PASK: variants seen among roughly 807,000 people sequenced by gnomAD.
The protein encoded by PASK is PAS domain-containing serine/threonine-protein kinase.
A neutral mutation model predicts 121.0 loss-of-function variants in PASK; 110 were observed. That is an observed-to-expected ratio of 0.91 (90% CI 0.78 to 1.06). PASK has a LOEUF of 1.06. PASK is among the 50% of genes least tolerant of loss of function. The probability of loss-of-function intolerance (pLI) is 0.00; values close to 1 mark genes in which losing one functional copy is unlikely to be tolerated. For synonymous variants in PASK, 686 were observed against 717.8 expected (o/e 0.96, Z 0.71); for missense variants, 1,643 against 1,702.3 (o/e 0.97, Z 0.61).
In PASK at chr2:241,141,938, C is replaced by T. The variant is rs1575340391; in HGVS notation, c.196+899G>A. On this transcript the variant is annotated intron_variant, in intron 2 of 17. Transcript: ENST00000234040. ...CTCATGTCTCAAGGCCCTGTACCTC[C>T]GGCTCCCACCCCTGCTCCTCATGCA... 2.6e-5 allele frequency among the ~76,000 whole-genome samples: 4 copies of T among 152,196 alleles called. No individual in the cohort carries two copies. The East Asian group carries it at 7.7e-4, about 29-fold the overall frequency.
intron 15 of PASK, among the ~76,000 whole-genome samples, chr2:241,111,647 C>T (rs559449394): frequency 3.4e-4 from 51 of 152,150 alleles, no homozygotes; most frequent in African/African-American, 1.1e-3. Flanking sequence ...GGCCGGCCCC[C>T]GACTCACAGG....
chr2:241,135,317 C>A (rs1207079980), intron 8 of PASK, among the ~76,000 whole-genome samples: 1 of 152,070 alleles, frequency 6.6e-6, no homozygotes, highest in Non-Finnish European at 1.5e-5. Flanking sequence ...GTTCCAGGAC[C>A]CCCAGAATGC....
At position 241,126,922 on chromosome 2, in the gene PASK, G is replaced by C. The variant is rs368254000; in HGVS notation, c.1993C>G (p.Gln665Glu). The C allele has an allele frequency of 3.7e-6, 6 of 1,614,120 alleles. No homozygotes were observed. The highest frequency in any genetic ancestry group is 2.2e-5 in the East Asian group (1 of 44,866). Residue 665 changes from glutamine to glutamate, a missense_variant, in exon 10 of 18, where the codon CAG becomes GAG. By Grantham distance (29) the Gln-to-Glu change is conservative (BLOSUM62 2). Transcript: ENST00000234040. ...EELQTCLIKEQLSQLSLAGAL... is the reference protein window; with the variant it reads ...EELQTCLIKEELSQLSLAGAL... ...CCTGCAAGGCTCAACTGGGACAGCTGCTCCTTAATCAAGCAGGTCTGCAGC... is the reference window on the plus strand; with the variant it reads ...CCTGCAAGGCTCAACTGGGACAGCTCCTCCTTAATCAAGCAGGTCTGCAGC...
At position 241,108,115 on chromosome 2, in the gene PASK, G is replaced by T. The variant is rs34777851; in HGVS notation, c.3667+52C>A. The T allele has an allele frequency of 0.067, 107,572 of 1,593,878 alleles. 4,193 individuals are homozygous for T. The highest frequency in any genetic ancestry group is 0.14 in the African/African-American group (10,571 of 74,608). On this transcript the variant is annotated intron_variant, in intron 16 of 17. Transcript: ENST00000234040. This position sits in a 1 kb window ranked among gnomAD's most constrained non-coding sequence, Gnocchi z 5.2. Reference sequence around the variant, plus strand: ...AATGAGGAAATGGGAAAAAAAAGTGGCTGGTCTCTAAGGACAGTGTCGACT... The same window carrying T: ...AATGAGGAAATGGGAAAAAAAAGTGTCTGGTCTCTAAGGACAGTGTCGACT...
At chr2:241,129,624 G>A (rs977862350) in intron 9 of PASK, among the ~76,000 whole-genome samples, 1 of 152,202 alleles carries the variant, frequency 6.6e-6, no homozygotes, top group Non-Finnish European at 1.5e-5. Context: ...TCATAATTTT[G>A]GCTAAGAGAT....
At position 241,140,703 on chromosome 2, in the gene PASK, A is replaced by T. The variant is rs1367813833; in HGVS notation, c.247T>A (p.Cys83Ser). ...CLSSLAAQNI[C>S]TSKLHCPAAP... The stretch of plus-strand genomic sequence containing the variant: ...GCAGGGCAGTGCAGTTTACTTGTAC[A>T]AATATTCTGGGCAGCCAGTGATGAT... Residue 83 changes from cysteine to serine, a missense_variant, in exon 3 of 18, where the codon TGT becomes AGT. Cys to Ser is a moderately radical substitution (Grantham distance 112). This residue lies in a region of PASK where 1,176 missense variants were observed against 1,162.2 expected (regional missense o/e 1.01). Coordinates refer to ENST00000234040, the MANE Select transcript of PASK (RefSeq NM_015148.4). The T allele has an allele frequency of 1.2e-6, 2 of 1,614,140 alleles. No homozygotes were observed. Among genetic ancestry groups the T allele is most frequent in the East Asian group, 2.2e-5 (1 of 44,878 alleles).
chr2:241,110,581 G>A (rs969668028), intron 15 of PASK, among the ~76,000 whole-genome samples: 2 of 152,082 alleles, frequency 1.3e-5, no homozygotes, highest in Non-Finnish European at 2.9e-5. Context: ...GAGAGGGTGG[G>A]AGCCACAGCT....
chr2:241,120,246 A>G (rs2065546056), intron 12 of PASK, among the ~76,000 whole-genome samples: 1 of 152,170 alleles, frequency 6.6e-6, no homozygotes, highest in Non-Finnish European at 1.5e-5. Context: ...TAATCCTAGC[A>G]CTTTGGGAGG....
chr2:241,142,298 C>T (rs2066736759), intron 2 of PASK, among the ~76,000 whole-genome samples: 1 of 152,198 alleles, frequency 6.6e-6, no homozygotes, highest in African/African-American at 2.4e-5. Context: ...CTGCTGTCTC[C>T]CCAAGTGCCT....
At chr2:241,145,505 G>A (rs2066910898) in intron 1 of PASK, among the ~76,000 whole-genome samples, 1 of 152,058 alleles carries the variant, frequency 6.6e-6, no homozygotes, top group African/African-American at 2.4e-5. Context: ...GGAGAAAAGA[G>A]GCTATCTGTA....
At chr2:241,114,880 G>T in intron 14 of PASK, 163 bp downstream of exon 14, 2 of 1,523,540 alleles carry the variant, frequency 1.3e-6, no homozygotes, top group African/African-American at 1.4e-5. Context: ...TTCAATCATA[G>T]AATTTTCTTC....
At chr2:241,147,875 G>T (rs543833739) in intron 1 of PASK, among the ~76,000 whole-genome samples, 1 of 152,258 alleles carries the variant, frequency 6.6e-6, no homozygotes, top group East Asian at 1.9e-4. Flanking sequence ...TGCGGGAGCG[G>T]GGAGGACAGC....
chr2:241,132,548 A>G (rs1412784638), intron 9 of PASK, among the ~76,000 whole-genome samples: 2 of 150,150 alleles, frequency 1.3e-5, no homozygotes, highest in African/African-American at 2.4e-5. Context: ...AAAAAAAAAA[A>G]AAAAAAGAAA....
intron 1 of PASK, among the ~76,000 whole-genome samples, chr2:241,144,536 C>T (rs2066862566): frequency 6.6e-6 from 1 of 152,198 alleles, no homozygotes; most frequent in African/African-American, 2.4e-5. Context: ...ATCCAGAACC[C>T]CAGAGTTCCC....
chr2:241,122,061 T>C (rs772896454), intron 12 of PASK, among the ~76,000 whole-genome samples: 1 of 152,122 alleles, frequency 6.6e-6, no homozygotes, highest in African/African-American at 2.4e-5. Context: ...TATTTGTAAA[T>C]GAATGAATGT....
intron 1 of PASK, among the ~76,000 whole-genome samples, chr2:241,144,747 GC>G (rs757692908): frequency 6.6e-6 from 1 of 152,114 alleles, no homozygotes; most frequent in Non-Finnish European, 1.5e-5. Context: ...AGGGGAGGTG[GC>G]CCTCCCAACA....
Position 241,127,276 on chromosome 2 carries a change from C to A in PASK, c.1639G>T (p.Glu547Ter). The A allele has an allele frequency of 6.2e-7, 1 of 1,614,258 alleles. No homozygotes were observed. The highest frequency in any genetic ancestry group is 8.5e-7 in the Non-Finnish European group (1 of 1,180,038). The change falls in exon 10 of 18, where the codon GAA becomes TAA. Residue 547 changes from glutamate (E) to a stop codon, truncating the protein, a stop_gained. Coordinates refer to ENST00000234040, the MANE Select transcript of PASK (RefSeq NM_015148.4). LOFTEE classifies it high-confidence loss of function. ...PVDVKPFASC[E>*]DSEAPVPAED... is the part of the protein sequence containing the mutation. ...GCTGGGACTGGAGCTTCAGAATCTT[C>A]GCAGGAAGCAAATGGCTTCACATCC...
intron 14 of PASK, chr2:241,113,821 T>C: frequency 1.0e-6 from 1 of 985,466 alleles, no homozygotes; most frequent in Non-Finnish European, 1.2e-6. Flanking sequence ...CCGACCCCGC[T>C]GCTGAGCAGG....
At position 241,149,446 on chromosome 2, in the gene PASK, A is replaced by G. The variant is rs2067178150; in HGVS notation, c.-75T>C. On this transcript the variant is annotated 5_prime_UTR_variant, in exon 1 of 18. Coordinates refer to ENST00000234040, the MANE Select transcript of PASK (RefSeq NM_015148.4). ...AGGCGAGGGTCACGCCAAGCCGGCT[A>G]CACACCACGGAAAGGAGCCCTTCCG... 3 of 570,154 alleles carry G rather than the reference A, an allele frequency of 5.3e-6. No homozygotes were observed. The highest frequency in any genetic ancestry group is 1.9e-5 in the African/African-American group (1 of 52,014). 35.3% of individuals were successfully genotyped at this position (570,154 alleles called of 1,614,324 possible).
Sources: allele counts gnomAD v4.1 joint callset (sites outside exome capture counted in the v4.1 genomes callset), GRCh38; gene constraint gnomAD v4.1.1; regional missense constraint gnomAD v4.1.1; non-coding constraint Gnocchi (gnomAD v3.1); transcripts MANE v1.5; gene names NCBI Gene and HGNC (gene_info 2026-07-23, HGNC 2026-07-21).